CSMD3: variants seen among roughly 807,000 people sequenced by gnomAD.
CSMD3 encodes CUB and sushi domain-containing protein 3.
CSMD3 carries 177 observed loss-of-function variants against 435.2 expected under a neutral mutation model. That is an observed-to-expected ratio of 0.41 (90% confidence interval 0.36 to 0.46). The LOEUF (loss-of-function observed/expected upper bound fraction) is 0.46, where lower values mean the gene tolerates loss of function less well. Ranked by LOEUF, CSMD3 falls within the 20% of genes least tolerant of loss-of-function variation. The pLI is 0.34. For missense variants in CSMD3, 4,265 were observed against 4,504.6 expected (o/e 0.95, Z 1.52); for synonymous variants, 1,656 against 1,520.5 (o/e 1.09, Z -2.07).
At chr8:112,670,178 G>T (rs1237875353) in intron 16 of CSMD3, among the ~76,000 whole-genome samples, 2 of 152,080 alleles carry the variant, frequency 1.3e-5, no homozygotes, top group East Asian at 3.9e-4. Flanking sequence ...TCAAGAAGAA[G>T]AAATCAAGAA....
At position 113,229,690 on chromosome 8, in the gene CSMD3, C is replaced by T. The variant is rs185270007; in HGVS notation, c.514+48902G>A. 1.4e-4 allele frequency among the ~76,000 whole-genome samples: 21 copies of T among 151,602 alleles called. No individual in the cohort carries two copies. The East Asian group carries it at 1.8e-3, about 13-fold the overall frequency. ...AAATATAATGCTGACATAGATTTCC[C>T]TCTCTAAAACCTTGAAGGCTTTGTA... is the stretch of plus-strand genomic sequence containing the variant. On this transcript the variant is annotated intron_variant, in intron 3 of 70. Coordinates refer to ENST00000297405, the MANE Select transcript of CSMD3 (RefSeq NM_198123.2).
intron 38 of CSMD3, among the ~76,000 whole-genome samples, chr8:112,356,833 T>C (rs1826667036): frequency 6.6e-6 from 1 of 152,166 alleles, no homozygotes; most frequent in African/African-American, 2.4e-5. Context: ...CCTTCCACCA[T>C]GATTATGAGG....
intron 10 of CSMD3, among the ~76,000 whole-genome samples, chr8:112,864,479 G>T (rs2080918864): frequency 6.6e-6 from 1 of 152,044 alleles, no homozygotes; most frequent in Admixed American, 6.6e-5. Flanking sequence ...TTGAACTCCT[G>T]ACCTCAAGTG....
At chr8:113,110,213 C>A (rs564789244) in intron 4 of CSMD3, among the ~76,000 whole-genome samples, 17 of 152,306 alleles carry the variant, frequency 1.1e-4, no homozygotes, top group African/African-American at 4.1e-4. Flanking sequence ...CTGTACACAT[C>A]TTCATTTTTT....
chr8:113,245,433 G>C (rs868602384), intron 3 of CSMD3, among the ~76,000 whole-genome samples: 1 of 151,334 alleles, frequency 6.6e-6, no homozygotes, highest in African/African-American at 2.4e-5. Context: ...TATTCTCTTA[G>C]AGCTTATCCT....
At chr8:113,093,922 A>C (rs2090084572) in intron 5 of CSMD3, among the ~76,000 whole-genome samples, 1 of 152,106 alleles carries the variant, frequency 6.6e-6, no homozygotes, top group South Asian at 2.1e-4. Flanking sequence ...TGATAACCAT[A>C]TTGTTCCCTT....
chr8:112,387,126 T>TAAAC (rs1830044820), intron 36 of CSMD3, among the ~76,000 whole-genome samples: 2 of 152,138 alleles, frequency 1.3e-5, no homozygotes, highest in African/African-American at 4.8e-5. Context: ...CCTGCTAAAA[T>TAAAC]AAACAAACAA....
chr8:112,826,953 C>T (rs1028409479), intron 12 of CSMD3, among the ~76,000 whole-genome samples: 9 of 151,626 alleles, frequency 5.9e-5, no homozygotes, highest in Admixed American at 5.9e-4. Context: ...TCAATTGGTA[C>T]ATCAGAATTC....
chr8:113,084,087 C>A (rs1025081529), intron 5 of CSMD3, among the ~76,000 whole-genome samples: 2 of 152,006 alleles, frequency 1.3e-5, no homozygotes, highest in African/African-American at 4.8e-5. Flanking sequence ...CTTATAAAGT[C>A]ACACAAAGAT....
intron 3 of CSMD3, among the ~76,000 whole-genome samples, chr8:113,219,435 GAAGAAGAT>G (rs2092942610): frequency 6.6e-6 from 1 of 151,170 alleles, no homozygotes; most frequent in Admixed American, 6.6e-5. Context: ...TAATCAGTTA[GAAGAAGAT>G]ATAAACACTG....
intron 22 of CSMD3, among the ~76,000 whole-genome samples, chr8:112,605,696 C>G (rs1008099659): frequency 1.3e-5 from 2 of 151,872 alleles, no homozygotes; most frequent in Non-Finnish European, 2.9e-5. Context: ...ATGCTCGTTA[C>G]CTGGAAACAA....
chr8:112,376,841 CA>C (rs1477877006), intron 38 of CSMD3, among the ~76,000 whole-genome samples: 2 of 152,040 alleles, frequency 1.3e-5, no homozygotes, highest in Non-Finnish European at 2.9e-5. Flanking sequence ...GTTAAAGACA[CA>C]AAAACACTCT....
chr8:112,378,415 A>G (rs1192001232), intron 38 of CSMD3, among the ~76,000 whole-genome samples: 1 of 152,154 alleles, frequency 6.6e-6, no homozygotes, highest in African/African-American at 2.4e-5. Flanking sequence ...CACGGAATCA[A>G]CCTGTGTCCA....
At chr8:113,269,638 C>A (rs907483457) in intron 3 of CSMD3, among the ~76,000 whole-genome samples, 2 of 151,852 alleles carry the variant, frequency 1.3e-5, no homozygotes, top group African/African-American at 2.4e-5. Flanking sequence ...CAGAACAGAG[C>A]CCTCAGAAAT....
rs1830342360 is a variant in CSMD3, at chr8:112,390,755, C to T, written c.5843G>A (p.Gly1948Glu). Reference protein sequence around the residue: ...PCGGILTKRKGTILSPGYPEP... With the variant: ...PCGGILTKRKETILSPGYPEP... ...AGGGTATCCAGGTGACAAAATAGTC[C>T]CTTTGCGCTTAGTTAAAATTCCACC... Residue 1948 changes from glycine to glutamate, a missense_variant, in exon 36 of 71, where the codon GGG (glycine) becomes GAG (glutamate). Transcript: ENST00000297405. 2 of 1,613,220 alleles carry T rather than the reference C, an allele frequency of 1.2e-6. No homozygotes were observed. Among genetic ancestry groups the T allele is most frequent in the Non-Finnish European group, 1.7e-6 (2 of 1,179,416 alleles).
In CSMD3 at chr8:113,086,089, C is replaced by A. The variant is rs572735733; in HGVS notation, c.917+12667G>T. Among the ~76,000 whole-genome samples, 404 of 151,632 alleles carry A rather than the reference C, an allele frequency of 2.7e-3. 14 individuals carry two copies. The South Asian group carries it at 0.047, about 18-fold the overall frequency. On this transcript the variant is annotated intron_variant, in intron 5 of 70. Coordinates refer to ENST00000297405, the MANE Select transcript of CSMD3 (RefSeq NM_198123.2). ...CATATCTACTAAAAATAAACACACA[C>A]ACACAAAAATTAGCCAGGCGTGGGT...
intron 38 of CSMD3, among the ~76,000 whole-genome samples, chr8:112,377,775 A>C (rs894480511): frequency 6.6e-6 from 1 of 152,198 alleles, no homozygotes; most frequent in African/African-American, 2.4e-5. Flanking sequence ...ATGCAAAAAA[A>C]GTATTTGAAT....
chr8:113,411,657 A>G (rs2094560371), intron 1 of CSMD3, among the ~76,000 whole-genome samples: 1 of 152,178 alleles, frequency 6.6e-6, no homozygotes, highest in Non-Finnish European at 1.5e-5. Context: ...TTTTCATTTC[A>G]TGTGCTTACA....
chr8:112,395,635 G>A (rs1398432079), intron 35 of CSMD3, among the ~76,000 whole-genome samples: 1 of 152,048 alleles, frequency 6.6e-6, no homozygotes, highest in African/African-American at 2.4e-5. Context: ...GGGAGTAGGT[G>A]GCAGCTTCCA....
Sources: allele counts gnomAD v4.1 joint callset (sites outside exome capture counted in the v4.1 genomes callset), GRCh38; gene constraint gnomAD v4.1.1; transcripts MANE v1.5; gene names NCBI Gene and HGNC (gene_info 2026-07-23, HGNC 2026-07-21).